ABR: variants seen among roughly 807,000 people sequenced by gnomAD.
ABR encodes ABR activator of RhoGEF and GTPase, also known as active breakpoint cluster region-related protein.
A neutral mutation model predicts 107.2 loss-of-function variants in ABR; 35 were observed. The ratio of observed to expected loss-of-function variants is 0.33; its 90% CI spans 0.25 to 0.43. ABR has a LOEUF of 0.43. Ranked by LOEUF, ABR falls within the 20% of genes least tolerant of loss-of-function variation. The probability of loss-of-function intolerance (pLI) is 1.00; values close to 1 mark genes in which losing one functional copy is unlikely to be tolerated. For missense variants in ABR, 815 were observed against 1,115.2 expected, an observed-to-expected ratio of 0.73 and a Z score of 3.83; for synonymous variants, 498 against 462.0, an observed-to-expected ratio of 1.08 and a Z score of -1.00.
chr17:1,138,583 T>A (rs891741548), intron 1 of ABR, among the ~76,000 whole-genome samples: 2 of 152,122 alleles, frequency 1.3e-5, no homozygotes, highest in African/African-American at 4.8e-5. Context: ...GCTCAGATGA[T>A]CCCCCTGCCT....
rs1382153007 is a variant in ABR, at chr17:1,037,025, TTCCATCCATCCACCCATCCA to T, written c.1791+13005_1791+13024del. Among the ~76,000 whole-genome samples the T allele has an allele frequency of 2.2e-4, 31 of 144,146 alleles. No individual in the cohort carries two copies. The highest frequency in any genetic ancestry group is 1.0e-3 in the Admixed American group (15 of 14,468). 94.6% of individuals were successfully genotyped at this position (144,146 alleles called of 152,430 possible). ...CTTCCTTCCTTCCATCCTTCCTTCC[TTCCATCCATCCACCCATCCA>T]TCCATCCATCCACCCATCCATCCAC... is the stretch of plus-strand genomic sequence containing the variant. On this transcript the variant is annotated intron_variant, in intron 16 of 22. Coordinates refer to ENST00000302538, the MANE Select transcript of ABR (RefSeq NM_021962.5). This position sits in a 1 kb window ranked among gnomAD's most constrained non-coding sequence, Gnocchi z 4.6.
chr17:1,062,037 T>C (rs2034007908), intron 10 of ABR, among the ~76,000 whole-genome samples: 1 of 152,086 alleles, frequency 6.6e-6, no homozygotes, highest in South Asian at 2.1e-4. Flanking sequence ...CAACCAAGAC[T>C]GTGGTGGGCG....
chr17:1,183,249 C>T (rs938849099), upstream of ABR, among the ~76,000 whole-genome samples: 2 of 152,120 alleles, frequency 1.3e-5, no homozygotes, highest in South Asian at 4.1e-4. Context: ...GCTGCCTCCT[C>T]CAGGCCCCTT....
At chr17:1,055,802 C>G in intron 14 of ABR, 1 of 501,840 alleles carries the variant, frequency 2.0e-6, no homozygotes, top group Non-Finnish European at 3.6e-6. Context: ...GCTGGGATTA[C>G]AGGGGTGAGC....
chr17:1,136,308 A>AATCTCCACCTCCC (rs1441849329), intron 1 of ABR, among the ~76,000 whole-genome samples: 7 of 59,408 alleles, frequency 1.2e-4, no homozygotes, highest in Admixed American at 2.0e-4. Context: ...AGCTCACTGC[A>AATCTCCACCTCCC]AGCTCCACCT....
At chr17:1,155,568 C>G (rs9903646) in intron 1 of ABR, among the ~76,000 whole-genome samples, 52,926 of 152,034 alleles carry the variant, frequency 0.35, 10,326 homozygotes, top group East Asian at 0.52. Flanking sequence ...TCAATGAACA[C>G]TTCTTTGCTT....
intron 2 of ABR, among the ~76,000 whole-genome samples, chr17:1,123,942 C>G (rs926994273): frequency 8.5e-5 from 13 of 152,216 alleles, no homozygotes; most frequent in African/African-American, 3.1e-4. Context: ...CAACAACACA[C>G]TGACCAACCC....
intron 6 of ABR, among the ~76,000 whole-genome samples, chr17:1,076,505 C>T (rs1361449655): frequency 6.6e-6 from 1 of 152,086 alleles, no homozygotes; most frequent in Non-Finnish European, 1.5e-5. Context: ...GGAGTGGCGG[C>T]TCCACAGAAA....
chr17:1,041,610 T>G (rs2030507785), intron 16 of ABR, among the ~76,000 whole-genome samples: 1 of 152,192 alleles, frequency 6.6e-6, no homozygotes, highest in African/African-American at 2.4e-5. Flanking sequence ...GCGGGCGCCT[T>G]TAATCCCAGC....
chr17:1,055,168 C>T (rs2033113925), intron 14 of ABR: 1 of 152,006 alleles, frequency 6.6e-6, no homozygotes, highest in Non-Finnish European at 1.5e-5. Context: ...CCCAGGAGTT[C>T]AAGACCAGCC....
intron 16 of ABR, chr17:1,031,763 C>A: frequency 8.1e-7 from 1 of 1,232,670 alleles, no homozygotes; most frequent in East Asian, 3.2e-5. Flanking sequence ...CGGGACGCGG[C>A]GCTGGAGAGA....
chr17:1,042,558 G>A (rs1333046115), intron 16 of ABR, among the ~76,000 whole-genome samples: 1 of 151,042 alleles, frequency 6.6e-6, no homozygotes, highest in African/African-American at 2.5e-5. Flanking sequence ...ATGGACGGAT[G>A]GATGGGTAAA....
chr17:1,090,157 C>T (rs1039742774), intron 4 of ABR, among the ~76,000 whole-genome samples: 6 of 152,254 alleles, frequency 3.9e-5, no homozygotes, highest in Admixed American at 6.5e-5. Context: ...TTCAGGCACA[C>T]GGGGCCTCAA....
chr17:1,096,971 G>A (rs2037500088), intron 3 of ABR, among the ~76,000 whole-genome samples: 1 of 150,764 alleles, frequency 6.6e-6, no homozygotes, highest in Non-Finnish European at 1.5e-5. Flanking sequence ...CCGGGGAAGG[G>A]GGGAACCTGC....
At position 1,178,771 on chromosome 17, in the gene ABR, G is replaced by A. The variant is rs532522695; in HGVS notation, c.61+896C>T. Among the ~76,000 whole-genome samples, 5 of 151,486 alleles carry A rather than the reference G, an allele frequency of 3.3e-5. No homozygotes were observed. The South Asian group carries it at 1.0e-3, about 32-fold the overall frequency. On this transcript the variant is annotated intron_variant, in intron 1 of 22. Coordinates refer to ENST00000302538, the MANE Select transcript of ABR (RefSeq NM_021962.5). The stretch of plus-strand genomic sequence containing the variant: ...CAGGAGGACCCTCTTCCTAATCCCT[G>A]AGAGCTTTCGGGAAAGGTGTCTCAG...
At chr17:1,152,824 T>G (rs2040854338) in intron 1 of ABR, among the ~76,000 whole-genome samples, 1 of 152,048 alleles carries the variant, frequency 6.6e-6, no homozygotes, top group East Asian at 1.9e-4. Flanking sequence ...CCGGGCGCGG[T>G]GGGTCATGCC....
chr17:1,011,868 C>T lies in ABR; in HGVS notation c.2079G>A (p.Ala693=), dbSNP rs149677223. Residue 693 remains alanine, a synonymous_variant, in exon 19 of 23, where the codon GCG becomes GCA. Transcript: ENST00000302538. The surrounding 1 kb of genome is among the most constrained non-coding windows in gnomAD (Gnocchi z 4.8). ...CACTGGCATCGAAGACGGCCTTGAGCGCCTGGATGTCCGTGGCCACGCCCG... is the reference window on the plus strand; with the variant it reads ...CACTGGCATCGAAGACGGCCTTGAGTGCCTGGATGTCCGTGGCCACGCCCG... ...RISGVATDIQ[A]LKAVFDANNK... 4.1e-3 allele frequency: 6,540 copies of T among 1,591,812 alleles called. 11 individuals are homozygous for T. Among genetic ancestry groups the T allele is most frequent in the Non-Finnish European group, 4.8e-3 (5,640 of 1,164,300 alleles).
intron 11 of ABR, among the ~76,000 whole-genome samples, 154 bp downstream of exon 11, chr17:1,058,591 G>C (rs917038735): frequency 6.6e-6 from 1 of 152,212 alleles, no homozygotes; most frequent in Non-Finnish European, 1.5e-5. Flanking sequence ...CCACACGAGA[G>C]GGGAGAGCGA....
At chr17:1,160,948 G>A (rs1017828414) in intron 1 of ABR, among the ~76,000 whole-genome samples, 10 of 152,324 alleles carry the variant, frequency 6.6e-5, no homozygotes, top group African/African-American at 2.2e-4. Context: ...CTCTGGCCCC[G>A]CCACCTGTAC....
Sources: gnomAD v4.1 joint callset for allele counts (sites outside exome capture counted in the v4.1 genomes callset) on GRCh38, gnomAD v4.1.1 for gene constraint, Gnocchi (gnomAD v3.1) non-coding constraint, MANE v1.5 for transcripts, NCBI Gene and HGNC (gene_info 2026-07-23, HGNC 2026-07-21) for gene names.